The following COL17A1 variants were observed in gnomAD, a reference collection of about 807,000 sequenced individuals.
COL17A1 encodes the protein collagen alpha-1(XVII) chain.
Under a neutral mutation model 218.4 loss-of-function variants are expected in COL17A1, and 181 were observed. That is an observed-to-expected ratio of 0.83 (90% CI 0.73 to 0.94). The LOEUF (loss-of-function observed/expected upper bound fraction) is 0.94. COL17A1 is among the 40% of genes least tolerant of loss of function. The pLI is 0.00. For synonymous variants in COL17A1, 721 were observed against 731.0 expected (o/e 0.99, Z 0.22); for missense variants, 1,924 against 1,945.9 (o/e 0.99, Z 0.21).
rs140197646 is a variant in COL17A1 at position 104,034,754 on chromosome 10, T to C, written c.3633A>G (p.Ser1211=). The change falls in exon 51 of 56, where the codon TCA becomes TCG. Residue 1211 remains serine (S), a synonymous_variant. Transcript: ENST00000648076. ...LSSYLHTAGL[S]FIPGPPGPPG... ...GAGGTCCTGGAGGGCCTGGGATGAA[T>C]GACAAGCCGGCAGCTGGGCAGAAGG... 1,219 of 1,612,398 alleles carry C rather than the reference T, an allele frequency of 7.6e-4. 12 individuals carry two copies. The African/African-American group carries it at 0.015, about 19-fold the overall frequency.
At chr10:104,048,896 G>T (rs973667695) in intron 29 of COL17A1, among the ~76,000 whole-genome samples, 3 of 151,892 alleles carry the variant, frequency 2.0e-5, no homozygotes, top group Non-Finnish European at 2.9e-5. Flanking sequence ...TAGCGCAGTG[G>T]TGTAATCATG....
intron 11 of COL17A1, 115 bp downstream of exon 11, chr10:104,063,632 T>C: frequency 6.7e-7 from 1 of 1,490,796 alleles, no homozygotes; most frequent in Non-Finnish European, 9.2e-7. Context: ...ACCCTGTGCC[T>C]CTGCTTCTGA....
chr10:104,059,767 C>A, intron 14 of COL17A1, 49 bp from the exon 15 acceptor site: 1 of 1,574,864 alleles, frequency 6.3e-7, no homozygotes, highest in South Asian at 1.1e-5. Context: ...CTCAACCTCT[C>A]AACTCTGTCC....
At chr10:104,060,346 A>T in intron 13 of COL17A1, 66 bp from the exon 14 acceptor site, 2 of 1,600,694 alleles carry the variant, frequency 1.2e-6, no homozygotes, top group Non-Finnish European at 1.7e-6. Context: ...GGGAGAAAAG[A>T]CAAGAAGAGG....
intron 13 of COL17A1, 75 bp from the exon 14 acceptor site, chr10:104,060,355 G>A (rs1010688600): frequency 2.5e-6 from 4 of 1,589,362 alleles, no homozygotes; most frequent in Non-Finnish European, 3.4e-6. Context: ...GACAAGAAGA[G>A]GAAGGAGAAG....
chr10:104,056,103 G>A, intron 17 of COL17A1, 100 bp from the exon 18 acceptor site: 1 of 1,411,792 alleles, frequency 7.1e-7, no homozygotes. Context: ...ATTGGGGCCT[G>A]TGGTGGCTTC....
chr10:104,056,131 A>G (rs1329032435), intron 17 of COL17A1, 128 bp from the exon 18 acceptor site: 2 of 1,124,028 alleles, frequency 1.8e-6, no homozygotes, highest in Non-Finnish European at 2.7e-6. Context: ...TAGAATACTC[A>G]TGCAGAGATA....
chr10:104,036,922 A>G (rs1228116443), intron 47 of COL17A1, 123 bp downstream of exon 47: 6 of 988,158 alleles, frequency 6.1e-6, no homozygotes, highest in Non-Finnish European at 9.4e-6. Flanking sequence ...CTCTTTGTCC[A>G]AAGGACTCTG....
chr10:104,050,229 C>G, intron 27 of COL17A1, 105 bp from the exon 28 acceptor site: 1 of 1,512,956 alleles, frequency 6.6e-7, no homozygotes, highest in Non-Finnish European at 9.1e-7. Context: ...TCACTGTATC[C>G]GTGAACTCCT....
chr10:104,034,522 T>C, intron 51 of COL17A1, 99 bp downstream of exon 51: 1 of 1,536,428 alleles, frequency 6.5e-7, no homozygotes, highest in East Asian at 2.4e-5. Context: ...GTGGCTCTCG[T>C]GTGGCCTTCC....
At chr10:104,035,819 TGTGTGTGTGTATGGGAGTGTATCG>T (rs2086276147) in intron 48 of COL17A1, among the ~76,000 whole-genome samples, 1 of 11,482 alleles carries the variant, frequency 8.7e-5, no homozygotes, top group Admixed American at 8.9e-4. Flanking sequence ...TGGGAGTGAG[TGTGTGTGTGTATGGGAGTGTATCG>T]GAGTGTGCGT....
At chr10:104,059,812 G>T in intron 14 of COL17A1, 94 bp from the exon 15 acceptor site, 1 of 1,328,620 alleles carries the variant, frequency 7.5e-7, no homozygotes, top group Non-Finnish European at 1.1e-6. Flanking sequence ...TACCCTGCTT[G>T]GGAAGGTCTA....
At chr10:104,053,481 T>G (rs932046773) in intron 22 of COL17A1, among the ~76,000 whole-genome samples, 8 of 152,066 alleles carry the variant, frequency 5.3e-5, no homozygotes, top group African/African-American at 1.9e-4. Context: ...TTCCTGATGC[T>G]CCTTAAAAAT....
In COL17A1 at chr10:104,048,051, A is replaced by G. The variant is rs1476106569; in HGVS notation, c.2263+18T>C. 1 of 1,614,028 alleles carries G rather than the reference A, an allele frequency of 6.2e-7. No individual in the cohort carries two copies. Among genetic ancestry groups the G allele is most frequent in the African/African-American group, 1.3e-5 (1 of 74,926 alleles). On this transcript the variant is annotated intron_variant, in intron 30 of 55. Transcript: ENST00000648076. ...CTGTGACGGGAGTGAGGCTGGGGGC[A>G]GCAGATGAGTGACCAACCTCTTGGG... is the stretch of plus-strand genomic sequence containing the variant.
chr10:104,052,990 C>T lies in COL17A1; in HGVS notation c.1939+41G>A, dbSNP rs755586121. The T allele has an allele frequency of 1.1e-5, 17 of 1,607,340 alleles. No individual in the cohort carries two copies. In the Admixed American group the frequency reaches 2.8e-4, roughly 27 times the overall value. ...GGGTGTTGACAGAGAGAAGGAAGCA[C>T]AGGCATAGCTAACTCTGCCGGTGAA... On this transcript the variant is annotated intron_variant, in intron 23 of 55. Coordinates refer to ENST00000648076, the MANE Select transcript of COL17A1 (RefSeq NM_000494.4).
chr10:104,050,183 C>T, intron 27 of COL17A1, 59 bp from the exon 28 acceptor site: 1 of 1,611,248 alleles, frequency 6.2e-7, no homozygotes, highest in Non-Finnish European at 8.5e-7. Context: ...AAAACACTCT[C>T]ACCCAGTAAC....
intron 3 of COL17A1, 50 bp downstream of exon 3, chr10:104,078,492 C>T (rs1418460359): frequency 1.9e-6 from 3 of 1,613,236 alleles, no homozygotes; most frequent in Non-Finnish European, 2.5e-6. Context: ...AGGTGTGGGG[C>T]CCTTCAAATG....
Position 104,054,120 on chromosome 10 carries a change from T to C in COL17A1, c.1745-2A>G. 1.2e-6 allele frequency: 2 copies of C among 1,607,330 alleles called. No homozygotes were observed. The highest frequency in any genetic ancestry group is 1.7e-6 in the Non-Finnish European group (2 of 1,176,794). ...GAGTCCCAGGGAACCCTCGATCTCC[T>C]GCAGGAACAAAGGCAAAAGAGAGAG... On this transcript the variant is annotated splice_acceptor_variant, in intron 20 of 55. Coordinates refer to ENST00000648076, the MANE Select transcript of COL17A1 (RefSeq NM_000494.4). LOFTEE classifies it high-confidence loss of function.
At chr10:104,073,094 A>T (rs1308742330) in intron 7 of COL17A1, 116 bp downstream of exon 7, 1 of 950,722 alleles carries the variant, frequency 1.1e-6, no homozygotes, top group African/African-American at 1.6e-5. Flanking sequence ...AGCAGAAAGC[A>T]TGCCTTATTT....
Sources: gnomAD v4.1 joint callset for allele counts (sites outside exome capture counted in the v4.1 genomes callset) on GRCh38, gnomAD v4.1.1 for gene constraint, MANE v1.5 for transcripts, NCBI Gene and HGNC (gene_info 2026-07-23, HGNC 2026-07-21) for gene names.